Variants in PCLO observed in about 807,000 individuals in gnomAD.
PCLO encodes protein piccolo.
A neutral mutation model predicts 427.5 loss-of-function variants in PCLO; 82 were observed. That is an observed-to-expected ratio of 0.19 (90% confidence interval 0.16 to 0.23). The LOEUF is 0.23. Ranked by LOEUF, PCLO falls within the 10% of genes least tolerant of loss-of-function variation. The pLI is 1.00. For synonymous variants in PCLO, 2,357 were observed against 2,155.4 expected (o/e 1.09, Z -2.59); for missense variants, 6,239 against 6,115.9 (o/e 1.02, Z -0.67).
At chr7:82,830,225 T>C (rs1792059303) in intron 16 of PCLO, among the ~76,000 whole-genome samples, 1 of 151,870 alleles carries the variant, frequency 6.6e-6, no homozygotes, top group African/African-American at 2.4e-5. Flanking sequence ...AGCACACAGG[T>C]ATTTGTTAGG....
chr7:83,081,016 T>G (rs1790086013), intron 3 of PCLO, among the ~76,000 whole-genome samples: 1 of 151,978 alleles, frequency 6.6e-6, no homozygotes, highest in Non-Finnish European at 1.5e-5. Context: ...TATTCACCTA[T>G]TTTTGAACCA....
chr7:82,914,631 G>T (rs774625456), intron 7 of PCLO, 55 bp downstream of exon 7: 2 of 1,558,062 alleles, frequency 1.3e-6, no homozygotes, highest in Non-Finnish European at 1.8e-6. Context: ...TAAACATGCA[G>T]AAAAATAAGA....
At chr7:83,100,059 A>G (rs1790698112) in intron 3 of PCLO, among the ~76,000 whole-genome samples, 1 of 152,184 alleles carries the variant, frequency 6.6e-6, no homozygotes. Context: ...AACACACACA[A>G]TATATTTATA....
intron 9 of PCLO, among the ~76,000 whole-genome samples, chr7:82,900,529 A>T (rs1023443707): frequency 7.7e-5 from 10 of 130,706 alleles, no homozygotes; most frequent in African/African-American, 2.6e-4. Context: ...TTTATATTTT[A>T]TCTCATTGAT....
intron 22 of PCLO, among the ~76,000 whole-genome samples, chr7:82,799,039 A>T (rs1358234329): frequency 1.3e-5 from 2 of 152,202 alleles, no homozygotes; most frequent in African/African-American, 4.8e-5. Flanking sequence ...TGTGGGACTG[A>T]TATGAAAGAA....
chr7:82,824,000 T>C (rs1791864295), intron 19 of PCLO, among the ~76,000 whole-genome samples: 2 of 152,180 alleles, frequency 1.3e-5, no homozygotes, highest in South Asian at 4.1e-4. Context: ...TTTTACATGT[T>C]GAAATTGGAC....
At chr7:82,887,796 A>C (rs1293267268) in intron 9 of PCLO, among the ~76,000 whole-genome samples, 1 of 151,522 alleles carries the variant, frequency 6.6e-6, no homozygotes, top group Non-Finnish European at 1.5e-5. Flanking sequence ...TATATTCCTA[A>C]GCAAGGCTTA....
At chr7:82,886,071 A>C (rs1562837029) in intron 9 of PCLO, among the ~76,000 whole-genome samples, 1 of 152,104 alleles carries the variant, frequency 6.6e-6, no homozygotes, top group Non-Finnish European at 1.5e-5. Context: ...ATAAAAGAGA[A>C]ACTACCAAGA....
intron 22 of PCLO, among the ~76,000 whole-genome samples, chr7:82,781,773 G>T (rs2129468134): frequency 6.6e-6 from 1 of 152,162 alleles, no homozygotes; most frequent in East Asian, 1.9e-4. Context: ...CCCAGGGAAG[G>T]TCCCACCCTG....
At chr7:82,820,197 GGAGA>G (rs1337131754) in intron 20 of PCLO, among the ~76,000 whole-genome samples, 1 of 152,118 alleles carries the variant, frequency 6.6e-6, no homozygotes, top group African/African-American at 2.4e-5. Context: ...ATCAGACGTG[GGAGA>G]GAGAAATAGC....
intron 3 of PCLO, among the ~76,000 whole-genome samples, chr7:83,108,945 GT>G (rs1790935102): frequency 6.6e-6 from 1 of 152,076 alleles, no homozygotes; most frequent in African/African-American, 2.4e-5. Context: ...AGTAATTGTG[GT>G]TTTTGACATT....
intron 3 of PCLO, among the ~76,000 whole-genome samples, chr7:83,123,844 C>A (rs917661630): frequency 2.7e-5 from 4 of 147,152 alleles, no homozygotes; most frequent in South Asian, 2.2e-4. Context: ...GTGATCCCAG[C>A]ACTTTTGGAG....
intron 3 of PCLO, among the ~76,000 whole-genome samples, chr7:83,038,037 A>ATATATCTTTATATATATATATTTATATC (rs1313000516): frequency 5.9e-5 from 2 of 33,836 alleles, no homozygotes; most frequent in African/African-American, 2.6e-4. Context: ...ATATTTATAT[A>ATATATCTTTATATATATATATTTATATC]TTTATATATA....
chr7:82,947,713 G>GT (rs1306683313), intron 6 of PCLO, among the ~76,000 whole-genome samples: 1 of 152,006 alleles, frequency 6.6e-6, no homozygotes, highest in Non-Finnish European at 1.5e-5. Context: ...AACACCTAGG[G>GT]TTTTTCAGAT....
At chr7:83,028,661 G>A (rs1788572402) in intron 3 of PCLO, among the ~76,000 whole-genome samples, 1 of 150,420 alleles carries the variant, frequency 6.6e-6, no homozygotes, top group Non-Finnish European at 1.5e-5. Flanking sequence ...TCAATCCTAA[G>A]CCAAAAGAAC....
intron 3 of PCLO, among the ~76,000 whole-genome samples, chr7:83,117,509 T>C (rs76898448): frequency 0.011 from 1,748 of 152,344 alleles, 27 homozygotes; most frequent in African/African-American, 0.04. Flanking sequence ...CTCAAGCATG[T>C]GTTTGCAACA....
intron 3 of PCLO, among the ~76,000 whole-genome samples, chr7:82,997,136 C>G (rs6965237): frequency 0.58 from 87,939 of 151,620 alleles, 26,184 homozygotes; most frequent in East Asian, 0.86. Context: ...GATAATAACA[C>G]CTAGGACTTC....
intron 18 of PCLO, 29 bp downstream of exon 18, chr7:82,826,559 CA>C: frequency 1.4e-6 from 2 of 1,451,402 alleles, no homozygotes; most frequent in Non-Finnish European, 1.9e-6. Context: ...ACCATAGCAG[CA>C]AATAAGGGAA....
At chr7:82,893,006 A>T (rs1323976013) in intron 9 of PCLO, among the ~76,000 whole-genome samples, 1 of 152,182 alleles carries the variant, frequency 6.6e-6, no homozygotes, top group Non-Finnish European at 1.5e-5. Flanking sequence ...ATTGTGGAAG[A>T]CAGTGTGGTG....
Sources: gnomAD v4.1 joint callset for allele counts (sites outside exome capture counted in the v4.1 genomes callset) on GRCh38, gnomAD v4.1.1 for gene constraint, MANE v1.5 for transcripts, NCBI Gene and HGNC (gene_info 2026-07-23, HGNC 2026-07-21) for gene names.